Variants in FAAH2 observed in about 807,000 individuals in gnomAD.
The protein encoded by FAAH2 is fatty-acid amide hydrolase 2.
Under a neutral mutation model 36.9 loss-of-function variants are expected in FAAH2, and 60 were observed. The observed-to-expected ratio is 1.63, with a 90% CI of 1.32 to 2.02. The LOEUF is 2.02. FAAH2 is among the 30% of genes most tolerant of loss of function. The pLI is 0.00. For synonymous variants in FAAH2, 214 were observed against 143.8 expected (o/e 1.49, Z -3.49); for missense variants, 689 against 397.5 (o/e 1.73, Z -6.23).
intron 10 of FAAH2, among the ~76,000 whole-genome samples, chrX:57,488,041 C>T (rs2057506507): frequency 9.0e-6 from 1 of 111,304 alleles, no homozygotes; most frequent in Admixed American, 9.6e-5. Flanking sequence ...TTATATAATT[C>T]AATTTCTAGA....
At chrX:57,420,006 T>C (rs2055966397) in intron 7 of FAAH2, among the ~76,000 whole-genome samples, 1 of 111,847 alleles carries the variant, frequency 8.9e-6, no homozygotes, top group Non-Finnish European at 1.9e-5. Context: ...TTTTCTCAGG[T>C]TTGTCAAAGA....
chrX:57,292,932 A>T (rs1040490651), intron 2 of FAAH2, among the ~76,000 whole-genome samples: 5 of 111,649 alleles, frequency 4.5e-5, no homozygotes, highest in African/African-American at 1.6e-4. Flanking sequence ...ACCCCCCTAC[A>T]CATGCACACT....
chrX:57,244,550 T>C, the FAAH2 span, among the ~76,000 whole-genome samples: 1 of 110,148 alleles, frequency 9.1e-6, no homozygotes, highest in South Asian at 3.8e-4. Context: ...AGATCTCTGT[T>C]AGTCAGAAGA....
rs945740645 is a variant in FAAH2 at position 57,389,388 on chromosome X, C to T, written c.996+8359C>T. Among the ~76,000 whole-genome samples, 11 of 106,663 alleles carry T rather than the reference C, an allele frequency of 1.0e-4. No individual in the cohort carries two copies. In the Admixed American group the frequency reaches 1.1e-3, roughly 11 times the overall value. The allele number at this position is 106,663 out of a possible 115,157, so 92.6% of individuals were successfully genotyped here. On this transcript the variant is annotated intron_variant, in intron 7 of 10. Coordinates refer to ENST00000374900, the MANE Select transcript of FAAH2 (RefSeq NM_174912.4). ...AGCTTTATTTCATCCCCTTACCCCA[C>T]CCCAATTCCTGGCAACTACGATTCT...
At chrX:57,332,101 T>A (rs747022980) in intron 4 of FAAH2, among the ~76,000 whole-genome samples, 169 of 112,252 alleles carry the variant, frequency 1.5e-3, no homozygotes, top group Non-Finnish European at 2.8e-3. Flanking sequence ...AAAAAAAGTG[T>A]ATAGACACTA....
chrX:57,397,084 T>G (rs2055324057), intron 7 of FAAH2, among the ~76,000 whole-genome samples: 1 of 112,337 alleles, frequency 8.9e-6, no homozygotes, highest in Non-Finnish European at 1.9e-5. Flanking sequence ...TTTTGTTTAC[T>G]TTTGTTTAAA....
chrX:57,431,410 A>G (rs981099779), intron 7 of FAAH2, among the ~76,000 whole-genome samples: 2 of 111,618 alleles, frequency 1.8e-5, no homozygotes, highest in Admixed American at 1.9e-4. Context: ...TTTGTGCAAT[A>G]GCTTCCACCA....
At chrX:57,376,715 T>C (rs1180719357) in intron 5 of FAAH2, among the ~76,000 whole-genome samples, 5 of 111,994 alleles carry the variant, frequency 4.5e-5, no homozygotes, top group African/African-American at 1.6e-4. Context: ...TTCTAGATCG[T>C]TGAGGAATCA....
chrX:57,477,655 A>C (rs2147266507), intron 10 of FAAH2, among the ~76,000 whole-genome samples: 1 of 91,729 alleles, frequency 1.1e-5, no homozygotes, highest in East Asian at 4.1e-4. Flanking sequence ...CAACCCCACA[A>C]CAGGCCCCGG....
At chrX:57,413,460 C>A (rs922618464) in intron 7 of FAAH2, among the ~76,000 whole-genome samples, 1 of 112,068 alleles carries the variant, frequency 8.9e-6, no homozygotes, top group Admixed American at 9.5e-5. Flanking sequence ...GTTTTCACAG[C>A]ACTATTTATT....
intron 7 of FAAH2, among the ~76,000 whole-genome samples, chrX:57,427,942 T>C (rs1163890157): frequency 9.0e-6 from 1 of 111,710 alleles, no homozygotes; most frequent in Non-Finnish European, 1.9e-5. Context: ...GCCCTCTGAA[T>C]TTAAAAAGAA....
chrX:57,378,854 G>A, intron 6 of FAAH2, 68 bp downstream of exon 6: 2 of 1,114,982 alleles, frequency 1.8e-6, no homozygotes, highest in Non-Finnish European at 2.4e-6. Flanking sequence ...GTTTATTAGT[G>A]TCATAGAGGT....
chrX:57,355,344 G>A (rs1247964015), intron 5 of FAAH2, among the ~76,000 whole-genome samples: 1 of 110,247 alleles, frequency 9.1e-6, no homozygotes, highest in Non-Finnish European at 1.9e-5. Context: ...TTATTTTAGG[G>A]AACAATGTGA....
the FAAH2 span, among the ~76,000 whole-genome samples, chrX:57,149,324 A>G: frequency 9.0e-6 from 1 of 111,707 alleles, no homozygotes; most frequent in Non-Finnish European, 1.9e-5. Flanking sequence ...ATAGTTTCAG[A>G]AGGAATGGTA....
chrX:57,392,662 T>G, intron 7 of FAAH2: 2 of 670,168 alleles, frequency 3.0e-6, no homozygotes, highest in South Asian at 4.3e-5. Context: ...TCCATTCACC[T>G]GTTCTGTTTC....
the FAAH2 span, among the ~76,000 whole-genome samples, chrX:57,159,432 T>G: frequency 3.6e-5 from 4 of 111,428 alleles, no homozygotes; most frequent in East Asian, 2.8e-4. Flanking sequence ...ACCTTGGGCA[T>G]TATGGCCATT....
intron 1 of FAAH2, 42 bp from the exon 2 acceptor site, chrX:57,292,456 T>C: frequency 1.8e-6 from 2 of 1,092,747 alleles, no homozygotes; most frequent in Non-Finnish European, 2.5e-6. Context: ...ATGAATTGTT[T>C]AGTGAATAAA....
the FAAH2 span, among the ~76,000 whole-genome samples, chrX:57,209,413 G>T: frequency 9.0e-6 from 1 of 111,516 alleles, no homozygotes; most frequent in African/African-American, 3.3e-5. Context: ...TGCCAGGACT[G>T]CATCCTTCCC....
intron 10 of FAAH2, among the ~76,000 whole-genome samples, chrX:57,469,360 C>T (rs1426961179): frequency 4.5e-5 from 5 of 111,437 alleles, no homozygotes; most frequent in Non-Finnish European, 9.4e-5. Context: ...ACCCATCTCA[C>T]ATGCAGAGAC....
Sources: allele counts gnomAD v4.1 joint callset (sites outside exome capture counted in the v4.1 genomes callset), GRCh38; gene constraint gnomAD v4.1.1; transcripts MANE v1.5; gene names NCBI Gene and HGNC (gene_info 2026-07-23, HGNC 2026-07-21).